The following GRM8 variants were observed in gnomAD, a reference collection of about 807,000 sequenced individuals.
The protein encoded by GRM8 is metabotropic glutamate receptor 8.
A neutral mutation model predicts 87.2 loss-of-function variants in GRM8; 47 were observed. The ratio of observed to expected loss-of-function variants is 0.54; its 90% CI spans 0.43 to 0.69. The LOEUF is 0.69. Ranked by LOEUF, GRM8 falls within the 30% of genes least tolerant of loss-of-function variation. The probability of loss-of-function intolerance (pLI) is 0.00; values close to 1 mark genes in which losing one functional copy is unlikely to be tolerated. For synonymous variants in GRM8, 396 were observed against 404.5 expected (o/e 0.98, Z 0.25); for missense variants, 1,019 against 1,139.2 (o/e 0.89, Z 1.52).
At chr7:127,100,464 A>G (rs757151407) in intron 3 of GRM8, among the ~76,000 whole-genome samples, 1 of 152,194 alleles carries the variant, frequency 6.6e-6, no homozygotes, top group Non-Finnish European at 1.5e-5. Flanking sequence ...TGCAATGTCT[A>G]GGCCATTATT....
At chr7:126,677,360 C>CAAAAAAAAAAAAAAAAAAAA (rs35134983) in intron 7 of GRM8, among the ~76,000 whole-genome samples, 1 of 115,854 alleles carries the variant, frequency 8.6e-6, no homozygotes, top group Non-Finnish European at 1.8e-5. Context: ...GGCATCCACC[C>CAAAAAAAAAAAAAAAAAAAA]AAAAAAAAAA....
chr7:126,481,303 T>A (rs1285631572), intron 9 of GRM8, among the ~76,000 whole-genome samples: 2 of 152,096 alleles, frequency 1.3e-5, no homozygotes, highest in African/African-American at 4.8e-5. Flanking sequence ...TTAGTGGATA[T>A]GTTTTAAGAA....
rs543373072 is a variant in GRM8 at position 126,586,387 on chromosome 7, A to C, written c.1494+22975T>G. On this transcript the variant is annotated intron_variant, in intron 8 of 10. Transcript: ENST00000339582. Reference sequence around the variant, plus strand: ...GCATTGCCAAGACAATCCTAAGCCAAAAGAACAAAGCTGGAGGCATCATGC... The same window carrying C: ...GCATTGCCAAGACAATCCTAAGCCACAAGAACAAAGCTGGAGGCATCATGC... Among the ~76,000 whole-genome samples the C allele has an allele frequency of 4.6e-5, 7 of 152,326 alleles. No individual in the cohort carries two copies. The South Asian group carries it at 1.4e-3, about 32-fold the overall frequency.
intron 3 of GRM8, among the ~76,000 whole-genome samples, chr7:126,930,121 T>C (rs1339067763): frequency 1.3e-5 from 2 of 152,210 alleles, no homozygotes; most frequent in Non-Finnish European, 2.9e-5. Context: ...AAGCCCTTAC[T>C]GAGCTATATT....
At chr7:126,445,431 T>C (rs1054250737) in intron 10 of GRM8, 10 of 152,164 alleles carry the variant, frequency 6.6e-5, no homozygotes, top group African/African-American at 2.4e-4. Context: ...TGTATTGTTA[T>C]CATGTGCTTT....
intron 3 of GRM8, among the ~76,000 whole-genome samples, chr7:127,033,862 T>C (rs1437977191): frequency 6.6e-6 from 1 of 152,228 alleles, no homozygotes; most frequent in African/African-American, 2.4e-5. Context: ...GTAAACACAT[T>C]GCTTTTAATC....
chr7:126,648,078 C>T (rs1332281337), intron 7 of GRM8, among the ~76,000 whole-genome samples: 1 of 152,088 alleles, frequency 6.6e-6, no homozygotes, highest in Non-Finnish European at 1.5e-5. Flanking sequence ...ATTTCACCTC[C>T]TTAAAACCGA....
At chr7:126,829,992 G>T (rs950417178) in intron 6 of GRM8, among the ~76,000 whole-genome samples, 59 of 152,190 alleles carry the variant, frequency 3.9e-4, no homozygotes, top group African/African-American at 1.4e-3. Flanking sequence ...GAAATTCTGG[G>T]TTGAAAATTC....
At chr7:126,964,850 A>C (rs1045314400) in intron 3 of GRM8, among the ~76,000 whole-genome samples, 3 of 152,234 alleles carry the variant, frequency 2.0e-5, no homozygotes, top group African/African-American at 4.8e-5. Context: ...CTGTAAACAC[A>C]CATGCACACA....
chr7:126,459,376 G>GGGTTCTTTTTACTAAA (rs11271246), intron 9 of GRM8, among the ~76,000 whole-genome samples: 126,483 of 151,288 alleles, frequency 0.84, 53,072 homozygotes, highest in Middle Eastern at 0.93. Context: ...GAGAGAGCCA[G>GGGTTCTTTTTACTAAA]CCATGGAGTG....
At chr7:127,119,481 G>T (rs1563526060) in intron 2 of GRM8, among the ~76,000 whole-genome samples, 21 of 148,706 alleles carry the variant, frequency 1.4e-4, no homozygotes. Flanking sequence ...GCGAGATCCT[G>T]TCTCTCTCTC....
chr7:126,699,153 A>G (rs1398893515), intron 7 of GRM8, among the ~76,000 whole-genome samples: 1 of 152,170 alleles, frequency 6.6e-6, no homozygotes, highest in Non-Finnish European at 1.5e-5. Flanking sequence ...TTAACCTCCC[A>G]GTGAATTAAT....
chr7:126,615,527 T>C (rs1220003840), intron 7 of GRM8, among the ~76,000 whole-genome samples: 1 of 152,108 alleles, frequency 6.6e-6, no homozygotes, highest in Non-Finnish European at 1.5e-5. Flanking sequence ...TATAACAATA[T>C]TAACCTTAAA....
At chr7:127,090,621 C>T (rs941662386) in intron 3 of GRM8, among the ~76,000 whole-genome samples, 1 of 152,192 alleles carries the variant, frequency 6.6e-6, no homozygotes, top group African/African-American at 2.4e-5. Flanking sequence ...ATCCTGCTAT[C>T]ATGTACTTAA....
At chr7:126,701,555 T>C (rs1443515745) in intron 7 of GRM8, among the ~76,000 whole-genome samples, 1 of 152,190 alleles carries the variant, frequency 6.6e-6, no homozygotes, top group Non-Finnish European at 1.5e-5. Flanking sequence ...TAGTAAACTC[T>C]CCCAGTGATT....
chr7:127,035,978 C>CT (rs1000531317), intron 3 of GRM8, among the ~76,000 whole-genome samples: 1 of 152,166 alleles, frequency 6.6e-6, no homozygotes, highest in Admixed American at 6.5e-5. Context: ...AACATTTGGG[C>CT]TTTTAATTAC....
At chr7:126,637,470 T>TAA (rs977012736) in intron 7 of GRM8, among the ~76,000 whole-genome samples, 2 of 151,738 alleles carry the variant, frequency 1.3e-5, no homozygotes, top group African/African-American at 4.8e-5. Flanking sequence ...TACTGTAATT[T>TAA]AAAAAAAAGA....
chr7:126,626,040 A>T (rs1427522120), intron 7 of GRM8, among the ~76,000 whole-genome samples: 1 of 152,022 alleles, frequency 6.6e-6, no homozygotes, highest in Non-Finnish European at 1.5e-5. Context: ...TTCCATTATA[A>T]AAAGGACTTT....
intron 3 of GRM8, among the ~76,000 whole-genome samples, chr7:126,976,370 C>A (rs1027176705): frequency 6.6e-6 from 1 of 152,072 alleles, no homozygotes; most frequent in Non-Finnish European, 1.5e-5. Flanking sequence ...CCGAAGGGGG[C>A]GGATCACAAG....
Sources: allele counts gnomAD v4.1 joint callset (sites outside exome capture counted in the v4.1 genomes callset), GRCh38; gene constraint gnomAD v4.1.1; transcripts MANE v1.5; gene names NCBI Gene and HGNC (gene_info 2026-07-23, HGNC 2026-07-21).